TRIP11: variants seen among roughly 807,000 people sequenced by gnomAD.
TRIP11 encodes the protein thyroid hormone receptor interactor 11, also known as thyroid receptor-interacting protein 11.
In TRIP11, 148 loss-of-function variants were observed where a neutral mutation model predicts 223.1. That is an observed-to-expected ratio of 0.66 (90% CI 0.58 to 0.76). TRIP11 has a LOEUF of 0.76. TRIP11 is among the 30% of genes least tolerant of loss of function. The probability of loss-of-function intolerance (pLI) is 0.00; values close to 1 mark genes in which losing one functional copy is unlikely to be tolerated. For missense variants in TRIP11, 2,043 were observed against 2,222.0 expected (o/e 0.92, Z 1.62); for synonymous variants, 762 against 772.6 (o/e 0.99, Z 0.23).
At position 91,969,563 on chromosome 14, in the gene TRIP11, T is replaced by C. The variant is rs2056375140; in HGVS notation, c.*110A>G. 9.5e-7 allele frequency: 1 copy of C among 1,057,754 alleles called. No individual in the cohort carries two copies. Among genetic ancestry groups the C allele is most frequent in the Non-Finnish European group, 1.5e-6 (1 of 684,928 alleles). The allele number at this position is 1,057,754 out of a possible 1,614,324, so 65.5% of individuals were successfully genotyped here. On this transcript the variant is annotated 3_prime_UTR_variant, in exon 21 of 21. Coordinates refer to ENST00000267622, the MANE Select transcript of TRIP11 (RefSeq NM_004239.4). ...TTATTAAATTCAGAGAAAGCATAATTGCGAACAAATACATGACTTTCTCCC... is the reference window on the plus strand; with the variant it reads ...TTATTAAATTCAGAGAAAGCATAATCGCGAACAAATACATGACTTTCTCCC...
rs987667775 is a variant in TRIP11 at position 92,022,066 on chromosome 14, G to C, written c.313-235C>G. Among the ~76,000 whole-genome samples the C allele has an allele frequency of 2.0e-5, 3 of 152,262 alleles. No homozygotes were observed. In the Middle Eastern group the frequency reaches 0.01, roughly 518 times the overall value. On this transcript the variant is annotated intron_variant, in intron 3 of 20. Transcript: ENST00000267622. The stretch of plus-strand genomic sequence containing the variant: ...CAAATAGTAGAAATATCAGAATTTT[G>C]TATGTTAACTAAAGCAATGAATTTC...
At chr14:92,023,486 A>C (rs2057139990) in intron 3 of TRIP11, among the ~76,000 whole-genome samples, 2 of 152,220 alleles carry the variant, frequency 1.3e-5, no homozygotes, top group South Asian at 4.1e-4. Context: ...GCTTGTGTTC[A>C]GTACTTATTT....
intron 13 of TRIP11, 25 bp from the exon 14 acceptor site, chr14:91,995,540 A>G: frequency 5.6e-6 from 9 of 1,613,454 alleles, no homozygotes; most frequent in Non-Finnish European, 7.6e-6. Flanking sequence ...AATAAAAGTC[A>G]AACTGCTTCA....
At chr14:92,031,998 T>G (rs940370972) in intron 2 of TRIP11, among the ~76,000 whole-genome samples, 1 of 152,026 alleles carries the variant, frequency 6.6e-6, no homozygotes, top group Non-Finnish European at 1.5e-5. Context: ...TTTTTTTATC[T>G]TTATTTTTTG....
chr14:91,990,614 T>A (rs2056659376), intron 15 of TRIP11, among the ~76,000 whole-genome samples: 1 of 152,230 alleles, frequency 6.6e-6, no homozygotes, highest in Admixed American at 6.5e-5. Context: ...TGCACTATTA[T>A]GATCACACTG....
At chr14:92,014,696 T>G (rs1271023019) in intron 6 of TRIP11, 119 bp from the exon 7 acceptor site, 2 of 1,106,678 alleles carry the variant, frequency 1.8e-6, no homozygotes, top group Non-Finnish European at 2.5e-6. Context: ...AAAGTTAAAT[T>G]ACTATAATAA....
chr14:92,017,964 TGGG>T (rs887392486), intron 4 of TRIP11, among the ~76,000 whole-genome samples: 3 of 152,056 alleles, frequency 2.0e-5, no homozygotes, highest in African/African-American at 4.8e-5. Context: ...TATTAACTAA[TGGG>T]GGGGACAACA....
At chr14:92,035,754 T>C (rs1159689014) in intron 1 of TRIP11, among the ~76,000 whole-genome samples, 1 of 151,978 alleles carries the variant, frequency 6.6e-6, no homozygotes, top group Non-Finnish European at 1.5e-5. Flanking sequence ...ATTTTTGTAT[T>C]TTTTAGTAAA....
chr14:91,973,095 G>C (rs1350878307), intron 19 of TRIP11, among the ~76,000 whole-genome samples: 1 of 146,614 alleles, frequency 6.8e-6, no homozygotes, highest in African/African-American at 2.6e-5. Flanking sequence ...GCACTATCTC[G>C]GCTCACTGCA....
At chr14:92,003,276 C>A in intron 11 of TRIP11, 143 bp downstream of exon 11, 1 of 1,212,778 alleles carries the variant, frequency 8.2e-7, no homozygotes, top group South Asian at 1.5e-5. Context: ...GGAAAATTTA[C>A]TTAGAATGAA....
intron 3 of TRIP11, among the ~76,000 whole-genome samples, chr14:92,024,636 T>C (rs1192237617): frequency 6.6e-6 from 1 of 152,130 alleles, no homozygotes; most frequent in Non-Finnish European, 1.5e-5. Context: ...TATAAAGTTA[T>C]GGTAGAAATG....
chr14:91,967,512 T>G lies in TRIP11; in HGVS notation c.*2161A>C, dbSNP rs1207752462. On this transcript the variant is annotated 3_prime_UTR_variant, in exon 21 of 21. Transcript: ENST00000267622. ...ATTTAATATCATGCTCTGTGATGTT[T>G]AGCTATGCAATCCACCCACAACAGC... The G allele has an allele frequency of 1.0e-5, 2 of 196,530 alleles. No individual in the cohort carries two copies. The allele number at this position is 196,530 out of a possible 1,614,324, so 12.2% of individuals were successfully genotyped here. A position where few individuals can be genotyped will look rare whatever the true frequency, so the allele number is the denominator to read the frequency against.
At chr14:92,029,529 C>T (rs545325406) in intron 2 of TRIP11, among the ~76,000 whole-genome samples, 2 of 151,990 alleles carry the variant, frequency 1.3e-5, no homozygotes, top group South Asian at 4.1e-4. Flanking sequence ...CTCCTGACCT[C>T]ATGATCCGCC....
At chr14:91,972,328 T>C (rs994112782) in intron 20 of TRIP11, among the ~76,000 whole-genome samples, 1 of 152,154 alleles carries the variant, frequency 6.6e-6, no homozygotes, top group African/African-American at 2.4e-5. Flanking sequence ...AACTATAAAC[T>C]ACACATCTAA....
intron 2 of TRIP11, among the ~76,000 whole-genome samples, chr14:92,029,642 G>A (rs1224424047): frequency 7.0e-6 from 1 of 143,610 alleles, no homozygotes; most frequent in East Asian, 1.9e-4. Flanking sequence ...GAAAACAGCT[G>A]TCTACAGACA....
At chr14:91,997,798 A>C (rs910478138) in intron 13 of TRIP11, among the ~76,000 whole-genome samples, 1 of 152,180 alleles carries the variant, frequency 6.6e-6, no homozygotes, top group Admixed American at 6.5e-5. Context: ...TTTTTGAAAA[A>C]AGGAGTAAAA....
In TRIP11 at chr14:91,974,715, G is replaced by A. The variant is rs1256584749; in HGVS notation, c.5486C>T (p.Thr1829Ile). 2 of 1,612,460 alleles carry A rather than the reference G, an allele frequency of 1.2e-6. No homozygotes were observed. Among genetic ancestry groups the A allele is most frequent in the Admixed American group, 1.7e-5 (1 of 59,926 alleles). Residue 1829 changes from threonine (T) to isoleucine (I), a missense_variant, in exon 19 of 21, where the codon ACC becomes ATC. Physicochemically the swap from Thr to Ile is moderately conservative, Grantham distance 89 (BLOSUM62 -1). Transcript: ENST00000267622. ...TCCAAGCCACCCAGTCATCCACCTG[G>A]TAACACCGCCCTGATCGTCATGAAA... ...QLFHDDQGGVTRWMTGWLGGG... is the reference protein window; with the variant it reads ...QLFHDDQGGVIRWMTGWLGGG...
intron 20 of TRIP11, among the ~76,000 whole-genome samples, chr14:91,971,809 C>T (rs1183364323): frequency 6.6e-6 from 1 of 152,200 alleles, no homozygotes; most frequent in Non-Finnish European, 1.5e-5. Context: ...AATTTTACTA[C>T]TTTCCCTTCC....
intron 11 of TRIP11, among the ~76,000 whole-genome samples, chr14:92,001,697 C>T (rs572204399): frequency 1.5e-4 from 23 of 152,196 alleles, no homozygotes; most frequent in East Asian, 3.9e-4. Context: ...TTGTACAAAA[C>T]GCTAAAACTC....
Sources: gnomAD v4.1 joint callset for allele counts (sites outside exome capture counted in the v4.1 genomes callset) on GRCh38, gnomAD v4.1.1 for gene constraint, MANE v1.5 for transcripts, NCBI Gene and HGNC (gene_info 2026-07-23, HGNC 2026-07-21) for gene names.